Variants in OSTF1 observed in about 807,000 individuals in gnomAD.
The protein encoded by OSTF1 is osteoclast stimulating factor 1.
In OSTF1, 27 loss-of-function variants were observed where a neutral mutation model predicts 37.2. The observed-to-expected ratio is 0.73, with a 90% CI of 0.54 to 1.00. The LOEUF (loss-of-function observed/expected upper bound fraction) is 1.00. Ranked by LOEUF, OSTF1 falls within the 50% of genes least tolerant of loss-of-function variation. The pLI is 0.00. For missense variants in OSTF1, 232 were observed against 253.8 expected (o/e 0.91, Z 0.58); for synonymous variants, 82 against 89.2 (o/e 0.92, Z 0.46).
At position 75,133,292 on chromosome 9, in the gene OSTF1, A is replaced by T. The variant is rs1416455425; in HGVS notation, c.251-2A>T. 6.3e-7 allele frequency: 1 copy of T among 1,578,136 alleles called. No homozygotes were observed. Among genetic ancestry groups the T allele is most frequent in the South Asian group, 1.1e-5 (1 of 87,084 alleles). ...GTTCTTGTAAATGTAAAATTCTTTC[A>T]GGCAACTTGAGCTGGTTGAGAGAGT... is the stretch of plus-strand genomic sequence containing the variant. On this transcript the variant is annotated splice_acceptor_variant, in intron 5 of 9. Coordinates refer to ENST00000346234, the MANE Select transcript of OSTF1 (RefSeq NM_012383.5). LOFTEE classifies it high-confidence loss of function.
At chr9:75,132,775 G>T (rs1825780663) in intron 5 of OSTF1, among the ~76,000 whole-genome samples, 1 of 152,120 alleles carries the variant, frequency 6.6e-6, no homozygotes. Flanking sequence ...TTAGCCTGAG[G>T]ATTTTAAATT....
chr9:75,107,707 CACAT>C (rs1395547316), intron 1 of OSTF1, among the ~76,000 whole-genome samples: 3 of 152,148 alleles, frequency 2.0e-5, no homozygotes, highest in Non-Finnish European at 4.4e-5. Context: ...TAAAAATACA[CACAT>C]ACATGACCAG....
At chr9:75,107,760 C>T (rs1256252739) in intron 1 of OSTF1, among the ~76,000 whole-genome samples, 1 of 152,110 alleles carries the variant, frequency 6.6e-6, no homozygotes, top group African/African-American at 2.4e-5. Context: ...CAAATTTTTT[C>T]CAAAATCTAC....
intron 1 of OSTF1, among the ~76,000 whole-genome samples, chr9:75,099,029 T>C (rs916333556): frequency 1.3e-5 from 2 of 152,100 alleles, no homozygotes; most frequent in African/African-American, 2.4e-5. Context: ...CTCCGCCTCC[T>C]GGGGTCAAGT....
chr9:75,104,827 G>T (rs1564155905), intron 1 of OSTF1, among the ~76,000 whole-genome samples: 1 of 152,168 alleles, frequency 6.6e-6, no homozygotes, highest in Admixed American at 6.6e-5. Context: ...AGTATTCAGA[G>T]CATGGGTTCT....
At chr9:75,096,090 A>G (rs1379991608) in intron 1 of OSTF1, among the ~76,000 whole-genome samples, 1 of 151,956 alleles carries the variant, frequency 6.6e-6, no homozygotes, top group African/African-American at 2.4e-5. Flanking sequence ...TCAGGGTTTC[A>G]CCGTGTTAGC....
At chr9:75,134,466 G>T (rs1825813223) in intron 7 of OSTF1, 71 bp downstream of exon 7, 2 of 744,190 alleles carry the variant, frequency 2.7e-6, no homozygotes, top group Non-Finnish European at 4.6e-6. Context: ...CAACTCATGG[G>T]CATGTGAAGT....
intron 4 of OSTF1, 100 bp from the exon 5 acceptor site, chr9:75,131,670 G>A: frequency 1.2e-6 from 1 of 824,794 alleles, no homozygotes; most frequent in East Asian, 2.5e-5. Context: ...TGAATGCCCT[G>A]GTACTCCTGA....
chr9:75,146,630 C>A, intron 9 of OSTF1, 53 bp from the exon 10 acceptor site: 1 of 1,173,226 alleles, frequency 8.5e-7, no homozygotes, highest in Non-Finnish European at 1.3e-6. Context: ...AAAATAAAAT[C>A]TGAGCAGTTT....
At chr9:75,140,553 C>T (rs2273770) in intron 8 of OSTF1, among the ~76,000 whole-genome samples, 55,207 of 151,998 alleles carry the variant, frequency 0.36, 10,187 homozygotes, top group East Asian at 0.41. Context: ...AGTCAAGCCC[C>T]ACAGGGACCA....
chr9:75,092,706 C>CACAT (rs1824997483), intron 1 of OSTF1, among the ~76,000 whole-genome samples: 1 of 152,096 alleles, frequency 6.6e-6, no homozygotes, highest in African/African-American at 2.4e-5. Flanking sequence ...CTTTCTTCTT[C>CACAT]ACATCCATTT....
At position 75,120,141 on chromosome 9, in the gene OSTF1, A is replaced by G. The variant is rs368121547; in HGVS notation, c.81+2591A>G. ...GTAAGACAAAAAAATCCATAAGTCA[A>G]AAATGCATTTAATACCCCCATAAGC... On this transcript the variant is annotated intron_variant, in intron 2 of 9. Transcript: ENST00000346234. Among the ~76,000 whole-genome samples the G allele has an allele frequency of 4.6e-5, 7 of 152,314 alleles. No individual in the cohort carries two copies. In the East Asian group the frequency reaches 1.2e-3, roughly 25 times the overall value.
chr9:75,117,787 T>C lies in OSTF1; in HGVS notation c.81+237T>C, dbSNP rs144005626. Among the ~76,000 whole-genome samples the C allele has an allele frequency of 2.0e-5, 3 of 152,338 alleles. No individual in the cohort carries two copies. The East Asian group carries it at 5.8e-4, about 29-fold the overall frequency. On this transcript the variant is annotated intron_variant, in intron 2 of 9. Transcript: ENST00000346234. ...CTCCCTACATGGTGACACCACCTGCTTTCAAATTGACAAGTGACTTGCATA... is the reference window on the plus strand; with the variant it reads ...CTCCCTACATGGTGACACCACCTGCCTTCAAATTGACAAGTGACTTGCATA...
chr9:75,113,631 TAGA>T (rs1156257788), intron 1 of OSTF1, among the ~76,000 whole-genome samples: 1 of 151,924 alleles, frequency 6.6e-6, no homozygotes, highest in African/African-American at 2.4e-5. Flanking sequence ...GTATTTCTTG[TAGA>T]GATGGGGTTT....
intron 1 of OSTF1, 101 bp downstream of exon 1, chr9:75,088,827 C>G: frequency 4.2e-6 from 5 of 1,193,986 alleles, no homozygotes; most frequent in Non-Finnish European, 6.0e-6. Flanking sequence ...CACCCGGCCC[C>G]GAGCCTGGCT....
At chr9:75,125,057 G>A (rs1825639796) in intron 2 of OSTF1, among the ~76,000 whole-genome samples, 1 of 152,182 alleles carries the variant, frequency 6.6e-6, no homozygotes, top group Admixed American at 6.5e-5. Context: ...GAAATGAAAA[G>A]TTCCTCCAGA....
chr9:75,121,071 A>G (rs985008891), intron 2 of OSTF1, among the ~76,000 whole-genome samples: 7 of 152,330 alleles, frequency 4.6e-5, no homozygotes, highest in Middle Eastern at 3.4e-3. Context: ...GTTCAGGACC[A>G]GCTCCACTTC....
chr9:75,136,702 C>G (rs1338232556), intron 7 of OSTF1, among the ~76,000 whole-genome samples: 1 of 152,120 alleles, frequency 6.6e-6, no homozygotes, highest in Non-Finnish European at 1.5e-5. Context: ...CTTATCCATT[C>G]ATTTTTAGGT....
intron 1 of OSTF1, among the ~76,000 whole-genome samples, chr9:75,089,829 T>A (rs79487160): frequency 6.6e-6 from 1 of 152,374 alleles, no homozygotes; most frequent in African/African-American, 2.4e-5. Flanking sequence ...TCCTAAACTC[T>A]ATAGCTTTCA....
Sources: allele counts gnomAD v4.1 joint callset (sites outside exome capture counted in the v4.1 genomes callset), GRCh38; gene constraint gnomAD v4.1.1; transcripts MANE v1.5; gene names NCBI Gene and HGNC (gene_info 2026-07-23, HGNC 2026-07-21).